The following ATF7 variants were observed in gnomAD, a reference collection of about 807,000 sequenced individuals.
The protein encoded by ATF7 is cyclic AMP-dependent transcription factor ATF-7.
ATF7 carries 10 observed loss-of-function variants against 50.4 expected under a neutral mutation model. The observed-to-expected ratio is 0.20, with a 90% CI of 0.12 to 0.34. The LOEUF is 0.34. Ranked by LOEUF, ATF7 falls within the 10% of genes least tolerant of loss-of-function variation. The pLI is 1.00. For missense variants in ATF7, 465 were observed against 613.9 expected (o/e 0.76, Z 2.56); for synonymous variants, 201 against 226.4 (o/e 0.89, Z 1.01).
intron 2 of ATF7, among the ~76,000 whole-genome samples, chr12:53,553,306 C>A (rs1192602611): frequency 6.6e-6 from 1 of 152,044 alleles, no homozygotes; most frequent in Non-Finnish European, 1.5e-5. Flanking sequence ...CGCCTGGGCT[C>A]CATCAGCCAT....
chr12:53,601,336 T>C (rs904480464), intron 1 of ATF7, among the ~76,000 whole-genome samples: 1 of 152,204 alleles, frequency 6.6e-6, no homozygotes, highest in Non-Finnish European at 1.5e-5. Flanking sequence ...CTAGTGCAGT[T>C]CCTTATGTCA....
rs938556589 is a variant in ATF7 at position 53,619,854 on chromosome 12, C to A, written c.-22+6425G>T. 3.3e-5 allele frequency among the ~76,000 whole-genome samples: 5 copies of A among 151,746 alleles called. No homozygotes were observed. In the South Asian group the frequency reaches 1.0e-3, roughly 32 times the overall value. On this transcript the variant is annotated intron_variant, in intron 1 of 11. Coordinates refer to ENST00000420353, the MANE Select transcript of ATF7 (RefSeq NM_006856.3). Reference sequence around the variant, plus strand: ...TCCGAAACAGAATTTCATCTAATGTCAAAAAATCTGGCCAGGCACAGTAGC... The same window carrying A: ...TCCGAAACAGAATTTCATCTAATGTAAAAAAATCTGGCCAGGCACAGTAGC...
intron 1 of ATF7, among the ~76,000 whole-genome samples, chr12:53,601,379 T>G (rs1028337518): frequency 6.6e-6 from 1 of 152,178 alleles, no homozygotes; most frequent in African/African-American, 2.4e-5. Context: ...GCGGAAGCCA[T>G]ATTTCTGAAC....
intron 2 of ATF7, among the ~76,000 whole-genome samples, chr12:53,589,128 G>A (rs1942844849): frequency 6.6e-6 from 1 of 152,090 alleles, no homozygotes; most frequent in Non-Finnish European, 1.5e-5. Context: ...ATGTGCGTAT[G>A]GAAAATAATA....
chr12:53,509,045 C>T (rs368109486), downstream of ATF7, among the ~76,000 whole-genome samples: 2 of 152,182 alleles, frequency 1.3e-5, no homozygotes, highest in African/African-American at 4.8e-5. Context: ...TTCTAATCCT[C>T]GAGTCCCTTT....
At chr12:53,569,661 G>C (rs958089247) in intron 2 of ATF7, among the ~76,000 whole-genome samples, 1 of 151,388 alleles carries the variant, frequency 6.6e-6, no homozygotes, top group Non-Finnish European at 1.5e-5. Flanking sequence ...GCACATTGTA[G>C]ATGTTCAAAT....
intron 2 of ATF7, among the ~76,000 whole-genome samples, chr12:53,579,548 T>A (rs1942284507): frequency 7.1e-6 from 1 of 141,548 alleles, no homozygotes; most frequent in African/African-American, 2.7e-5. Context: ...CGAAACTCCG[T>A]CTCAAAAAAA....
chr12:53,621,519 C>G (rs1013930805), intron 1 of ATF7, among the ~76,000 whole-genome samples: 2 of 152,000 alleles, frequency 1.3e-5, no homozygotes, highest in Non-Finnish European at 2.9e-5. Context: ...CGGTGGCTCA[C>G]GCCTGTAATC....
At chr12:53,517,652 C>T (rs1937793190) in intron 11 of ATF7, 1 of 391,704 alleles carries the variant, frequency 2.6e-6, no homozygotes. Flanking sequence ...TCATTACCAA[C>T]TCTTATTATT....
At chr12:53,611,994 G>A (rs1412382584) in intron 1 of ATF7, among the ~76,000 whole-genome samples, 2 of 151,976 alleles carry the variant, frequency 1.3e-5, no homozygotes, top group East Asian at 3.9e-4. Flanking sequence ...CTTATTTTTT[G>A]AGAAGGAGTC....
chr12:53,575,433 T>C (rs763465648), intron 2 of ATF7, among the ~76,000 whole-genome samples: 8 of 128,668 alleles, frequency 6.2e-5, no homozygotes, highest in Non-Finnish European at 1.1e-4. Context: ...AAAAATTAGC[T>C]GGTTTGGTGG....
Position 53,612,379 on chromosome 12 carries a change from C to T in ATF7, c.-21-11358G>A, listed in dbSNP as rs564032392. Among the ~76,000 whole-genome samples the T allele has an allele frequency of 1.1e-4, 17 of 152,102 alleles. No homozygotes were observed. In the South Asian group the frequency reaches 3.5e-3, roughly 32 times the overall value. ...TCGTCTCACTGCAACTTCCACCTCCCGGGTTCAAGCGATTCTCCTGAGTAG... is the reference window on the plus strand; with the variant it reads ...TCGTCTCACTGCAACTTCCACCTCCTGGGTTCAAGCGATTCTCCTGAGTAG... On this transcript the variant is annotated intron_variant, in intron 1 of 11. Coordinates refer to ENST00000420353, the MANE Select transcript of ATF7 (RefSeq NM_006856.3).
intron 1 of ATF7, among the ~76,000 whole-genome samples, chr12:53,603,316 G>A (rs1219777569): frequency 6.6e-6 from 1 of 151,878 alleles, no homozygotes; most frequent in African/African-American, 2.4e-5. Context: ...CACACTATAT[G>A]GCTTCCAAAT....
chr12:53,523,217 A>G, intron 11 of ATF7, 59 bp downstream of exon 11: 1 of 1,207,130 alleles, frequency 8.3e-7, no homozygotes, highest in Non-Finnish European at 1.2e-6. Flanking sequence ...AGCAGTTGAG[A>G]CACTCAGTAC....
chr12:53,530,057 T>A (rs1938773537), intron 9 of ATF7, among the ~76,000 whole-genome samples: 1 of 152,142 alleles, frequency 6.6e-6, no homozygotes, highest in Non-Finnish European at 1.5e-5. Context: ...ATAATACAAA[T>A]TTTAAAAATA....
chr12:53,563,419 C>T (rs983255556), intron 2 of ATF7, among the ~76,000 whole-genome samples: 10 of 151,254 alleles, frequency 6.6e-5, no homozygotes, highest in African/African-American at 2.2e-4. Context: ...AGTTTGAGAC[C>T]AGTCTGGGCA....
At chr12:53,559,121 TAA>T (rs777243513) in intron 2 of ATF7, among the ~76,000 whole-genome samples, 18 of 136,360 alleles carry the variant, frequency 1.3e-4, no homozygotes, top group Admixed American at 1.5e-4. Context: ...TGTCTCTATT[TAA>T]AAAAAAAAAA....
intron 1 of ATF7, among the ~76,000 whole-genome samples, chr12:53,603,934 A>G (rs745649993): frequency 6.6e-6 from 1 of 152,156 alleles, no homozygotes; most frequent in Non-Finnish European, 1.5e-5. Flanking sequence ...TGAGACATAA[A>G]GGGAAATCTT....
intron 2 of ATF7, among the ~76,000 whole-genome samples, chr12:53,567,025 T>C (rs368803132): frequency 7.2e-5 from 11 of 152,228 alleles, no homozygotes; most frequent in African/African-American, 2.4e-4. Flanking sequence ...GTGCTGGGAT[T>C]ACAGGCGTGA....
Sources: allele counts gnomAD v4.1 joint callset (sites outside exome capture counted in the v4.1 genomes callset), GRCh38; gene constraint gnomAD v4.1.1; transcripts MANE v1.5; gene names NCBI Gene and HGNC (gene_info 2026-07-23, HGNC 2026-07-21).